The following FRMD5 variants were observed in gnomAD, a reference collection of about 807,000 sequenced individuals.
FRMD5 encodes FERM domain containing 5, also known as FERM domain-containing protein 5.
Under a neutral mutation model 69.0 loss-of-function variants are expected in FRMD5, and 20 were observed. The observed-to-expected ratio is 0.29, with a 90% CI of 0.20 to 0.42. The LOEUF (loss-of-function observed/expected upper bound fraction) is 0.42, where lower values mean the gene tolerates loss of function less well. Ranked by LOEUF, FRMD5 falls within the 10% of genes least tolerant of loss-of-function variation. FRMD5 has a pLI of 1.00. For synonymous variants in FRMD5, 271 were observed against 260.1 expected (o/e 1.04, Z -0.40); for missense variants, 595 against 708.6 (o/e 0.84, Z 1.82).
intron 1 of FRMD5, among the ~76,000 whole-genome samples, chr15:44,044,876 C>T (rs1041109632): frequency 4.6e-5 from 7 of 151,146 alleles, no homozygotes; most frequent in Non-Finnish European, 8.9e-5. Flanking sequence ...CAAACCTCCA[C>T]GTTCTACACA....
intron 10 of FRMD5, 91 bp downstream of exon 10, chr15:43,888,084 C>T: frequency 1.0e-6 from 1 of 977,762 alleles, no homozygotes; most frequent in Non-Finnish European, 1.6e-6. Flanking sequence ...AGCTACCCCG[C>T]CCCAAGTTCC....
intron 1 of FRMD5, among the ~76,000 whole-genome samples, chr15:44,131,303 G>C (rs1278309663): frequency 6.6e-6 from 1 of 152,006 alleles, no homozygotes; most frequent in Non-Finnish European, 1.5e-5. Flanking sequence ...AAAATAACAA[G>C]TGTTGGTGAG....
intron 1 of FRMD5, among the ~76,000 whole-genome samples, chr15:44,051,463 A>G (rs1012695985): frequency 6.6e-6 from 1 of 151,878 alleles, no homozygotes; most frequent in Non-Finnish European, 1.5e-5. Flanking sequence ...AGTTGTAAAC[A>G]TAGTACAGAC....
chr15:43,916,468 C>G (rs1174666664), intron 4 of FRMD5, among the ~76,000 whole-genome samples: 1 of 152,206 alleles, frequency 6.6e-6, no homozygotes, highest in African/African-American at 2.4e-5. Context: ...TGTAATGAAT[C>G]TGGCAACGAA....
At chr15:43,937,339 A>G (rs1164826712) in intron 1 of FRMD5, among the ~76,000 whole-genome samples, 1 of 152,096 alleles carries the variant, frequency 6.6e-6, no homozygotes, top group East Asian at 1.9e-4. Flanking sequence ...GTTTAGCATG[A>G]AGGATGTTTA....
chr15:44,001,017 G>A (rs1890186871), intron 1 of FRMD5, among the ~76,000 whole-genome samples: 1 of 152,102 alleles, frequency 6.6e-6, no homozygotes, highest in Admixed American at 6.6e-5. Context: ...CATTAAGAGT[G>A]TACAAGGGTT....
rs1192645569 is a variant in FRMD5 at position 43,874,175 on chromosome 15, G to A, written c.1423C>T (p.Leu475Phe). The A allele has an allele frequency of 6.2e-7, 1 of 1,614,190 alleles. No individual in the cohort carries two copies. The highest frequency in any genetic ancestry group is 8.5e-7 in the Non-Finnish European group (1 of 1,180,036). ...CACAGGGCCCTCAGCTCTCCCCCAA[G>A]GGCCTCCACCTCTGTAGCAGTTGGG... ...STPTATEVEA[L>F]GGELRALCQG... Residue 475 changes from leucine to phenylalanine, a missense_variant, in exon 14 of 14, where the codon CTT becomes TTT. Physicochemically the swap from Leu to Phe is conservative, Grantham distance 22. Transcript: ENST00000417257.
Position 43,872,967 on chromosome 15 carries a change from TAACTC to T in FRMD5, c.*913_*917del. 1.9e-6 allele frequency: 1 copy of T among 540,094 alleles called. No individual in the cohort carries two copies. The highest frequency in any genetic ancestry group is 3.2e-6 in the Non-Finnish European group (1 of 308,404). The allele number at this position is 540,094 out of a possible 1,614,324, so 33.5% of individuals were successfully genotyped here. A position where few individuals can be genotyped will look rare whatever the true frequency, so the allele number is the denominator to read the frequency against. On this transcript the variant is annotated 3_prime_UTR_variant, in exon 14 of 14. Coordinates refer to ENST00000417257, the MANE Select transcript of FRMD5 (RefSeq NM_032892.5). ...AATCTCAACAGTCTCTCAGGTAACT[TAACTC>T]TGCTTTCTCTTAACTACACTTTGTC...
chr15:44,108,304 C>T (rs1008026099), intron 1 of FRMD5, among the ~76,000 whole-genome samples: 3 of 151,644 alleles, frequency 2.0e-5, no homozygotes, highest in South Asian at 2.1e-4. Context: ...ACCTGAGCCC[C>T]GGAGTCCAAA....
intron 7 of FRMD5, among the ~76,000 whole-genome samples, chr15:43,892,660 C>T (rs1486122657): frequency 2.6e-5 from 4 of 152,042 alleles, no homozygotes; most frequent in South Asian, 2.1e-4. Context: ...TCTTATTCAC[C>T]GGTAAAAAGG....
chr15:43,932,077 G>A (rs1301659833), intron 1 of FRMD5, among the ~76,000 whole-genome samples: 1 of 152,168 alleles, frequency 6.6e-6, no homozygotes, highest in Admixed American at 6.5e-5. Context: ...TTACATCTAA[G>A]GATGACTGTG....
chr15:44,192,114 C>T (rs1213579654), intron 1 of FRMD5, among the ~76,000 whole-genome samples: 2 of 151,908 alleles, frequency 1.3e-5, no homozygotes, highest in African/African-American at 2.4e-5. Flanking sequence ...TCTACAAATA[C>T]ATTTGCATAT....
chr15:44,063,075 T>C (rs1397792414), intron 1 of FRMD5, among the ~76,000 whole-genome samples: 1 of 152,232 alleles, frequency 6.6e-6, no homozygotes, highest in African/African-American at 2.4e-5. Context: ...AAAATTGTTT[T>C]GGCTATTCTA....
intron 1 of FRMD5, chr15:44,194,237 G>C (rs954833107): frequency 2.6e-5 from 4 of 152,268 alleles, no homozygotes; most frequent in Admixed American, 2.6e-4. Flanking sequence ...CGTATTGTTG[G>C]CGTTTTTCCT....
In FRMD5 at chr15:43,884,790, C is replaced by G. The variant is rs940663892; in HGVS notation, c.965G>C (p.Arg322Pro). Residue 322 changes from arginine (R) to proline (P), a missense_variant, in exon 12 of 14, where the codon CGA (arginine) becomes CCA (proline). Arg to Pro is a moderately radical substitution (Grantham distance 103). Coordinates refer to ENST00000417257, the MANE Select transcript of FRMD5 (RefSeq NM_032892.5). Reference protein sequence around the residue: ...FKGSRFRYSGRVAKEVMESSA... With the variant: ...FKGSRFRYSGPVAKEVMESSA... ...TGATTCCATGACTTCCTTTGCAACT[C>G]GGCCACTGTAAGTAGTGTAATAAAA... 1 of 1,614,020 alleles carries G rather than the reference C, an allele frequency of 6.2e-7. No homozygotes were observed. The highest frequency in any genetic ancestry group is 8.5e-7 in the Non-Finnish European group (1 of 1,179,882).
intron 1 of FRMD5, among the ~76,000 whole-genome samples, chr15:44,024,249 A>C (rs1281805228): frequency 6.6e-6 from 1 of 152,008 alleles, no homozygotes; most frequent in African/African-American, 2.4e-5. Context: ...CGACTGTATG[A>C]AAATATCACA....
At chr15:43,921,322 G>T (rs2140443875) in intron 2 of FRMD5, among the ~76,000 whole-genome samples, 1 of 152,276 alleles carries the variant, frequency 6.6e-6, no homozygotes, top group Middle Eastern at 3.4e-3. Flanking sequence ...TAGATTAAAA[G>T]AAATAAACAA....
At chr15:44,044,447 A>G (rs1232746623) in intron 1 of FRMD5, among the ~76,000 whole-genome samples, 1 of 151,030 alleles carries the variant, frequency 6.6e-6, no homozygotes, top group Non-Finnish European at 1.5e-5. Flanking sequence ...TCATTTTAGT[A>G]TAAAGTCACA....
chr15:44,003,020 C>T (rs1256005164), intron 1 of FRMD5, among the ~76,000 whole-genome samples: 1 of 152,162 alleles, frequency 6.6e-6, no homozygotes, highest in African/African-American at 2.4e-5. Flanking sequence ...AGACTGAACT[C>T]TTGATCTTTT....
Sources: allele counts gnomAD v4.1 joint callset (sites outside exome capture counted in the v4.1 genomes callset), GRCh38; gene constraint gnomAD v4.1.1; transcripts MANE v1.5; gene names NCBI Gene and HGNC (gene_info 2026-07-23, HGNC 2026-07-21).